MTMR11: variants seen among roughly 807,000 people sequenced by gnomAD.
MTMR11 encodes the protein myotubularin-related protein 11.
MTMR11 carries 89 observed loss-of-function variants against 100.0 expected under a neutral mutation model. That is an observed-to-expected ratio of 0.89 (90% CI 0.75 to 1.06). MTMR11 has a LOEUF of 1.06. Among genes scored for constraint, MTMR11 ranks in the 50% least tolerant of loss-of-function variants. The pLI, the probability that MTMR11 is intolerant of heterozygous loss-of-function variation, is 0.00. For synonymous variants in MTMR11, 336 were observed against 326.3 expected, an observed-to-expected ratio of 1.03 and a Z score of -0.32; for missense variants, 809 against 873.7, an observed-to-expected ratio of 0.93 and a Z score of 0.93.
At position 149,930,556 on chromosome 1, in the gene MTMR11, A is replaced by C. The variant is rs375807058; in HGVS notation, c.1465-9T>G. ...TGTGTATAGGAGTTTAACTGGACAG[A>C]GGAAGCAAGAAAAAGGATGGTTACA... is the stretch of plus-strand genomic sequence containing the variant. On this transcript the variant is annotated splice_polypyrimidine_tract_variant and intron_variant, in intron 14 of 16. Coordinates refer to ENST00000439741, the MANE Select transcript of MTMR11 (RefSeq NM_001145862.2). 3 of 1,601,952 alleles carry C rather than the reference A, an allele frequency of 1.9e-6. No individual in the cohort carries two copies. Among genetic ancestry groups the C allele is most frequent in the Non-Finnish European group, 2.6e-6 (3 of 1,172,662 alleles).
Position 149,928,800 on chromosome 1 carries a change from C to A in MTMR11, c.*329G>T, listed in dbSNP as rs2092614368. On this transcript the variant is annotated 3_prime_UTR_variant, in exon 17 of 17. Transcript: ENST00000439741. ...ACTTGGAATTAAAGCAGCAGCAAGG[C>A]GAGGTGAGAATGCGATTTCTAGGCC... is the stretch of plus-strand genomic sequence containing the variant. 1 of 1,439,228 alleles carries A rather than the reference C, an allele frequency of 6.9e-7. No individual in the cohort carries two copies. The highest frequency in any genetic ancestry group is 9.8e-7 in the Non-Finnish European group (1 of 1,022,264). 89.2% of individuals were successfully genotyped at this position (1,439,228 alleles called of 1,614,324 possible).
intron 13 of MTMR11, 25 bp downstream of exon 13, chr1:149,931,235 C>T (rs377265000): frequency 1.7e-5 from 27 of 1,613,294 alleles, no homozygotes; most frequent in Admixed American, 6.7e-5. Context: ...AATATGCCCC[C>T]GATGCCATCC....
chr1:149,931,361 C>T lies in MTMR11; in HGVS notation c.1189G>A (p.Ala397Thr), dbSNP rs1226106500. The change falls in exon 13 of 17, where the codon GCC (alanine) becomes ACC (threonine). Residue 397 changes from alanine (A) to threonine (T), a missense_variant. Coordinates refer to ENST00000439741, the MANE Select transcript of MTMR11 (RefSeq NM_001145862.2). ...SLVQLLSAPEARTLFGFQSLV... is the reference protein window; with the variant it reads ...SLVQLLSAPETRTLFGFQSLV... ...GATTGGAAGCCAAACAGTGTTCGGG[C>T]TTCGGGGGCTGAAAGCAGCTGGACG... 1 of 1,613,756 alleles carries T rather than the reference C, an allele frequency of 6.2e-7. No homozygotes were observed. The highest frequency in any genetic ancestry group is 8.5e-7 in the Non-Finnish European group (1 of 1,179,946).
chr1:149,936,070 AG>A (rs2092717829), intron 2 of MTMR11, 83 bp downstream of exon 2: 1 of 1,410,110 alleles, frequency 7.1e-7, no homozygotes, highest in Non-Finnish European at 1.0e-6. Context: ...AGAGGAACAC[AG>A]GGGTATCTTT....
At position 149,928,779 on chromosome 1, in the gene MTMR11, G is replaced by T; in HGVS notation, c.*350C>A. 1.6e-6 allele frequency: 2 copies of T among 1,267,060 alleles called. No individual in the cohort carries two copies. The highest frequency in any genetic ancestry group is 2.3e-6 in the Non-Finnish European group (2 of 868,002). 78.5% of individuals were successfully genotyped at this position (1,267,060 alleles called of 1,614,324 possible). On this transcript the variant is annotated 3_prime_UTR_variant, in exon 17 of 17. Coordinates refer to ENST00000439741, the MANE Select transcript of MTMR11 (RefSeq NM_001145862.2). ...AACTATAAGGGAAGAAATAGAACTT[G>T]GAATTAAAGCAGCAGCAAGGCGAGG...
intron 4 of MTMR11, 26 bp from the exon 5 acceptor site, chr1:149,935,154 G>C: frequency 6.2e-7 from 1 of 1,613,626 alleles, no homozygotes; most frequent in Non-Finnish European, 8.5e-7. Context: ...ACAGAACAGT[G>C]TAACCATGGA....
At position 149,936,849 on chromosome 1, in the gene MTMR11, A is replaced by T; in HGVS notation, c.-202T>A. ...GGAAAGGTGTGTCCAGCCCAGCCTGAGAAGTCTCCTCGGAAACTTCAGTCG... is the reference window on the plus strand; with the variant it reads ...GGAAAGGTGTGTCCAGCCCAGCCTGTGAAGTCTCCTCGGAAACTTCAGTCG... On this transcript the variant is annotated 5_prime_UTR_variant, in exon 1 of 17. Transcript: ENST00000439741. The T allele has an allele frequency of 1.7e-6, 1 of 576,114 alleles. No homozygotes were observed. Among genetic ancestry groups the T allele is most frequent in the Non-Finnish European group, 3.0e-6 (1 of 329,256 alleles). The allele number at this position is 576,114 out of a possible 1,614,324, so 35.7% of individuals were successfully genotyped here.
chr1:149,930,770 G>A (rs782124922), intron 14 of MTMR11, 22 bp downstream of exon 14: 2 of 1,527,780 alleles, frequency 1.3e-6, no homozygotes, highest in Admixed American at 2.3e-5. Context: ...AAAAACACGA[G>A]TCAAAAATAG....
At position 149,931,075 on chromosome 1, in the gene MTMR11, A is replaced by T. The variant is rs1553767517; in HGVS notation, c.1291-110T>A. The T allele has an allele frequency of 4.4e-6, 6 of 1,355,404 alleles. No homozygotes were observed. The African/African-American group carries it at 4.4e-5, about 10-fold the overall frequency. The allele number at this position is 1,355,404 out of a possible 1,614,324, so 84.0% of individuals were successfully genotyped here. A position where few individuals can be genotyped will look rare whatever the true frequency, so the allele number is the denominator to read the frequency against. On this transcript the variant is annotated intron_variant, in intron 13 of 16. Transcript: ENST00000439741. The stretch of plus-strand genomic sequence containing the variant: ...GGAATAGGGGGAACTTATGGAAGTC[A>T]GGGAATGAAAATCTGAATTGAGGGT...
intron 11 of MTMR11, 98 bp downstream of exon 11, chr1:149,932,166 A>G: frequency 7.0e-7 from 1 of 1,429,614 alleles, no homozygotes; most frequent in Non-Finnish European, 9.8e-7. Flanking sequence ...TGGGAAACCG[A>G]GGAGAAGAAC....
chr1:149,931,624 T>C (rs1447648174), intron 12 of MTMR11, 198 bp from the exon 13 acceptor site: 1 of 594,738 alleles, frequency 1.7e-6, no homozygotes, highest in African/African-American at 1.9e-5. Flanking sequence ...TCCACCCGGA[T>C]AGAAATACCC....
In MTMR11 at chr1:149,935,571, C is replaced by A. The variant is rs1553768945; in HGVS notation, c.264+13G>T. 6.2e-7 allele frequency: 1 copy of A among 1,612,424 alleles called. No individual in the cohort carries two copies. The highest frequency in any genetic ancestry group is 8.5e-7 in the Non-Finnish European group (1 of 1,178,606). On this transcript the variant is annotated intron_variant, in intron 3 of 16. Transcript: ENST00000439741. ...CCCACTAGCTGTCATTTCTGTGGCCCCAACCATCTCACCTGATTCCACTGC... is the reference window on the plus strand; with the variant it reads ...CCCACTAGCTGTCATTTCTGTGGCCACAACCATCTCACCTGATTCCACTGC...
chr1:149,932,957 C>CTTTTT (rs201894021), intron 10 of MTMR11, among the ~76,000 whole-genome samples: 1 of 136,948 alleles, frequency 7.3e-6, no homozygotes, highest in African/African-American at 2.7e-5. Context: ...TCTCATCTGC[C>CTTTTT]TTTTTTTTTT....
chr1:149,936,573 T>G lies in MTMR11; in HGVS notation c.66+9A>C, dbSNP rs2092725478. The G allele has an allele frequency of 6.6e-7, 1 of 1,516,598 alleles. No homozygotes were observed. The highest frequency in any genetic ancestry group is 2.0e-5 in the Admixed American group (1 of 49,586). 93.9% of individuals were successfully genotyped at this position (1,516,598 alleles called of 1,614,324 possible). A position where few individuals can be genotyped will look rare whatever the true frequency, so the allele number is the denominator to read the frequency against. ...TCTTGCCGACACCCCCCAAATTCCT[T>G]CTCCTTACCCCCATCTCTGGCTCCT... On this transcript the variant is annotated intron_variant, in intron 1 of 16. Coordinates refer to ENST00000439741, the MANE Select transcript of MTMR11 (RefSeq NM_001145862.2).
chr1:149,929,990 G>C (rs781926748), intron 15 of MTMR11, 74 bp from the exon 16 acceptor site: 10 of 1,452,220 alleles, frequency 6.9e-6, no homozygotes, highest in South Asian at 1.3e-5. Context: ...GATCAGGACA[G>C]GGTGTCCTGC....
At position 149,930,984 on chromosome 1, in the gene MTMR11, G is replaced by T. The variant is rs1488918951; in HGVS notation, c.1291-19C>A. 1 of 1,586,538 alleles carries T rather than the reference G, an allele frequency of 6.3e-7. No individual in the cohort carries two copies. The highest frequency in any genetic ancestry group is 8.6e-7 in the Non-Finnish European group (1 of 1,168,468). On this transcript the variant is annotated intron_variant, in intron 13 of 16. Transcript: ENST00000439741. ...CCGGAGCCTGAAAAGAAATTAAGAG[G>T]TTGGAAGGGATTATTGGGACCCAAA...
At chr1:149,929,467 C>T (rs1430557338) in intron 16 of MTMR11, 150 bp from the exon 17 acceptor site, 2 of 1,197,302 alleles carry the variant, frequency 1.7e-6, no homozygotes, top group Non-Finnish European at 2.4e-6. Flanking sequence ...TTTCCCGCAC[C>T]TCCTACACTC....
chr1:149,935,758 C>G, intron 2 of MTMR11, 53 bp from the exon 3 acceptor site: 2 of 1,518,256 alleles, frequency 1.3e-6, no homozygotes, highest in Non-Finnish European at 1.8e-6. Context: ...GTTGCCCACA[C>G]TTGGATACAC....
rs2092613624 is a variant in MTMR11 at position 149,928,735 on chromosome 1, C to T, written c.*394G>A. The T allele has an allele frequency of 4.7e-6, 4 of 853,842 alleles. No homozygotes were observed. The highest frequency in any genetic ancestry group is 7.6e-6 in the Non-Finnish European group (4 of 526,954). The allele number at this position is 853,842 out of a possible 1,614,324, so 52.9% of individuals were successfully genotyped here. A position where few individuals can be genotyped will look rare whatever the true frequency, so the allele number is the denominator to read the frequency against. On this transcript the variant is annotated 3_prime_UTR_variant, in exon 17 of 17. Transcript: ENST00000439741. ...AGAGGAGATAGGGTGTTTCCTGTAT[C>T]CGCCTCATTCCCATAGAAAACTATA...
Sources: allele counts gnomAD v4.1 joint callset (sites outside exome capture counted in the v4.1 genomes callset), GRCh38; gene constraint gnomAD v4.1.1; transcripts MANE v1.5; gene names NCBI Gene and HGNC (gene_info 2026-07-23, HGNC 2026-07-21).